The following NFIX variants were observed in gnomAD, a reference collection of about 807,000 sequenced individuals.
The protein encoded by NFIX is nuclear factor 1 X-type.
A neutral mutation model predicts 53.3 loss-of-function variants in NFIX; 2 were observed. The observed-to-expected ratio is 0.04, with a 90% CI of 0.02 to 0.12. NFIX has a LOEUF of 0.12. Ranked by LOEUF, NFIX falls within the 10% of genes least tolerant of loss-of-function variation. The probability of loss-of-function intolerance (pLI) is 1.00; values close to 1 mark genes in which losing one functional copy is unlikely to be tolerated. For synonymous variants in NFIX, 244 were observed against 289.0 expected (o/e 0.84, Z 1.58); for missense variants, 310 against 674.5 (o/e 0.46, Z 5.99).
rs1284922603 is a variant in NFIX at position 13,094,838 on chromosome 19, A to C, written c.*189A>C. 6 of 594,836 alleles carry C rather than the reference A, an allele frequency of 1.0e-5. No homozygotes were observed. The highest frequency in any genetic ancestry group is 9.4e-5 in the African/African-American group (5 of 53,240). 36.8% of individuals were successfully genotyped at this position (594,836 alleles called of 1,614,324 possible). ...CCCCCGCGGGCCCCAGAAGCAGCCC[A>C]GTTCTCAGAGAGCCCTTGGAAGGGG... is the stretch of plus-strand genomic sequence containing the variant. On this transcript the variant is annotated 3_prime_UTR_variant, in exon 11 of 11. Coordinates refer to ENST00000592199, the MANE Select transcript of NFIX (RefSeq NM_001365902.3). The surrounding 1 kb of genome is among the most constrained non-coding windows in gnomAD (Gnocchi z 4.3).
Sources: gnomAD v4.1 joint callset for allele counts on GRCh38, gnomAD v4.1.1 for gene constraint, Gnocchi (gnomAD v3.1) non-coding constraint, MANE v1.5 for transcripts, NCBI Gene and HGNC (gene_info 2026-07-23, HGNC 2026-07-21) for gene names.